Variants in ESR1 observed in about 807,000 individuals in gnomAD.
ESR1 encodes estrogen receptor 1, also known as estrogen receptor.
ESR1 carries 12 observed loss-of-function variants against 52.7 expected under a neutral mutation model. The observed-to-expected ratio is 0.23, with a 90% CI of 0.15 to 0.37. ESR1 has a LOEUF of 0.37. Among genes scored for constraint, ESR1 ranks in the 10% least tolerant of loss-of-function variants. ESR1 has a pLI of 1.00. For synonymous variants in ESR1, 305 were observed against 316.8 expected (o/e 0.96, Z 0.39); for missense variants, 584 against 779.7 (o/e 0.75, Z 2.99).
chr6:151,776,713 C>A (rs1786026938), intron 2 of ESR1, among the ~76,000 whole-genome samples: 1 of 152,030 alleles, frequency 6.6e-6, no homozygotes, highest in African/African-American at 2.4e-5. Context: ...TGGCGGGTGC[C>A]TGTAATCCCA....
intron 3 of ESR1, among the ~76,000 whole-genome samples, chr6:151,934,256 C>G (rs2034078904): frequency 6.6e-6 from 1 of 152,192 alleles, no homozygotes; most frequent in Admixed American, 6.5e-5. Context: ...AGTCCCTGAT[C>G]TAAACACCCT....
chr6:151,920,201 CAT>C (rs1247830643), intron 3 of ESR1, among the ~76,000 whole-genome samples: 1 of 151,924 alleles, frequency 6.6e-6, no homozygotes, highest in Non-Finnish European at 1.5e-5. Context: ...GCGCCATCAA[CAT>C]AGCAGCATGA....
chr6:151,969,234 C>T (rs1020983739), intron 4 of ESR1, among the ~76,000 whole-genome samples: 8 of 152,088 alleles, frequency 5.3e-5, no homozygotes, highest in Non-Finnish European at 8.8e-5. Context: ...CTGTTTCCTA[C>T]CATTGGTTTA....
chr6:151,664,604 A>T (rs1364341011), intron 1 of ESR1, among the ~76,000 whole-genome samples: 1 of 152,132 alleles, frequency 6.6e-6, no homozygotes, highest in Non-Finnish European at 1.5e-5. Flanking sequence ...ACACCCAAAC[A>T]CGTTGATACA....
At chr6:152,021,732 C>T (rs145823231) in intron 5 of ESR1, among the ~76,000 whole-genome samples, 381 of 152,230 alleles carry the variant, frequency 2.5e-3, no homozygotes, top group African/African-American at 8.4e-3. Flanking sequence ...CCCATACTTC[C>T]CACGTGTTGT....
intron 1 of ESR1, among the ~76,000 whole-genome samples, chr6:151,678,889 G>C (rs1284670374): frequency 6.6e-6 from 1 of 152,010 alleles, no homozygotes; most frequent in South Asian, 2.1e-4. Flanking sequence ...GTTTCACACT[G>C]TTGACCAGGA....
chr6:152,105,786 T>TC (rs1227552823), downstream of ESR1, among the ~76,000 whole-genome samples: 2 of 138,716 alleles, frequency 1.4e-5, no homozygotes, highest in African/African-American at 5.4e-5. Context: ...TTTTTTTTTT[T>TC]TTTTTTTTTT....
intron 2 of ESR1, among the ~76,000 whole-genome samples, chr6:151,705,597 AT>A (rs1484225929): frequency 6.6e-6 from 1 of 152,194 alleles, no homozygotes; most frequent in Non-Finnish European, 1.5e-5. Context: ...ATAAGCTGCC[AT>A]TATGTCTCTT....
chr6:151,658,350 G>A lies in ESR1; in HGVS notation n.73+1587G>A, dbSNP rs114659844. On this transcript the variant is annotated intron_variant and non_coding_transcript_variant, in intron 1 of 2. Transcript: ENST00000473497. Reference sequence around the variant, plus strand: ...GCTCACGAAAGTACTTATTGATTCTGAAATCCTTTTCCCCTCTGGTATTCC... The same window carrying A: ...GCTCACGAAAGTACTTATTGATTCTAAAATCCTTTTCCCCTCTGGTATTCC... Among the ~76,000 whole-genome samples the A allele has an allele frequency of 2.5e-3, 375 of 152,248 alleles. 1 individual carries two copies. The highest frequency in any genetic ancestry group is 8.5e-3 in the African/African-American group (353 of 41,544).
intron 2 of ESR1, among the ~76,000 whole-genome samples, chr6:151,757,127 T>A (rs964016599): frequency 6.6e-6 from 1 of 152,112 alleles, no homozygotes; most frequent in African/African-American, 2.4e-5. Context: ...AGGGTTCACA[T>A]CAGAACTGTC....
chr6:151,699,298 CTT>C (rs893818367), intron 1 of ESR1, among the ~76,000 whole-genome samples: 7 of 152,248 alleles, frequency 4.6e-5, no homozygotes, highest in Middle Eastern at 3.4e-3. Context: ...TTATTTAAGA[CTT>C]TACTTTGTTG....
intron 2 of ESR1, among the ~76,000 whole-genome samples, chr6:151,763,582 T>C (rs1784819870): frequency 6.6e-6 from 1 of 152,140 alleles, no homozygotes; most frequent in African/African-American, 2.4e-5. Context: ...GCCTACTGTG[T>C]TGGAGAGACT....
intron 4 of ESR1, among the ~76,000 whole-genome samples, chr6:151,997,053 G>C (rs1032573442): frequency 2.0e-5 from 3 of 151,330 alleles, no homozygotes; most frequent in African/African-American, 7.3e-5. Context: ...TATGTAAGTA[G>C]ACTTCCTAGT....
In ESR1 at chr6:152,094,523, G is replaced by A. The variant is rs2050459406; in HGVS notation, c.1508G>A (p.Arg503Gln). The part of the protein sequence containing the change: ...AGLTLQQQHQ[R>Q]LAQLLLILSH... ...CTGACCCTGCAGCAGCAGCACCAGC[G>A]GCTGGCCCAGCTCCTCCTCATCCTC... is the stretch of plus-strand genomic sequence containing the variant. Residue 503 changes from arginine to glutamine, a missense_variant, in exon 7 of 8, where the codon CGG (arginine) becomes CAG (glutamine). This residue lies in a region of ESR1 where 141 missense variants were observed against 289.3 expected (regional missense o/e 0.49). Coordinates refer to ENST00000206249, the MANE Select transcript of ESR1 (RefSeq NM_000125.4). This position sits in a 1 kb window ranked among gnomAD's most constrained non-coding sequence, Gnocchi z 4.6. 6.2e-7 allele frequency: 1 copy of A among 1,614,046 alleles called. No individual in the cohort carries two copies. The highest frequency in any genetic ancestry group is 8.5e-7 in the Non-Finnish European group (1 of 1,180,018).
chr6:151,898,497 TAAAC>T (rs1337953007), intron 3 of ESR1, among the ~76,000 whole-genome samples: 4 of 151,588 alleles, frequency 2.6e-5, no homozygotes, highest in South Asian at 2.1e-4. Context: ...GGTCAGCAGA[TAAAC>T]AAGTGCACAA....
chr6:152,077,598 G>A (rs2048848571), intron 6 of ESR1, among the ~76,000 whole-genome samples: 1 of 152,332 alleles, frequency 6.6e-6, no homozygotes, highest in East Asian at 1.9e-4. Context: ...GTTGGAGGTG[G>A]TGGTGGCTAT....
At chr6:151,689,690 A>G (rs1778826023), upstream of ESR1, among the ~76,000 whole-genome samples, 1 of 152,164 alleles carries the variant, frequency 6.6e-6, no homozygotes, top group African/African-American at 2.4e-5. Flanking sequence ...CAGTAGCAAG[A>G]GGGAGATCCT....
At chr6:151,781,160 T>G (rs1786504929) in intron 2 of ESR1, among the ~76,000 whole-genome samples, 1 of 152,364 alleles carries the variant, frequency 6.6e-6, no homozygotes, top group African/African-American at 2.4e-5. Flanking sequence ...ATTAATTAAT[T>G]TATCTAAGTG....
chr6:152,031,141 G>A (rs1283148007), intron 5 of ESR1, among the ~76,000 whole-genome samples: 2 of 152,228 alleles, frequency 1.3e-5, no homozygotes, highest in Non-Finnish European at 2.9e-5. Flanking sequence ...TCAAAGCAGT[G>A]TGTAGAGGGA....
Sources: allele counts gnomAD v4.1 joint callset (sites outside exome capture counted in the v4.1 genomes callset), GRCh38; gene constraint gnomAD v4.1.1; regional missense constraint gnomAD v4.1.1; non-coding constraint Gnocchi (gnomAD v3.1); transcripts MANE v1.5; gene names NCBI Gene and HGNC (gene_info 2026-07-23, HGNC 2026-07-21).